Variants in ST13 observed in about 807,000 individuals in gnomAD.
ST13 encodes ST13 Hsp70 interacting protein.
ST13 carries 23 observed loss-of-function variants against 56.7 expected under a neutral mutation model. That is an observed-to-expected ratio of 0.41 (90% confidence interval 0.29 to 0.57). The LOEUF is 0.57. Ranked by LOEUF, ST13 falls within the 20% of genes least tolerant of loss-of-function variation. ST13 has a pLI of 0.36. For missense variants in ST13, 369 were observed against 459.9 expected (o/e 0.80, Z 1.81); for synonymous variants, 132 against 142.4 (o/e 0.93, Z 0.52).
In ST13 at chr22:40,825,154, C is replaced by T. The variant is rs1169303780; in HGVS notation, c.*1384G>A. 1 of 151,922 alleles carries T rather than the reference C, an allele frequency of 6.6e-6. No individual in the cohort carries two copies. The highest frequency in any genetic ancestry group is 2.4e-5 in the African/African-American group (1 of 41,334). 9.4% of individuals were successfully genotyped at this position (151,922 alleles called of 1,614,324 possible). A position where few individuals can be genotyped will look rare whatever the true frequency, so the allele number is the denominator to read the frequency against. On this transcript the variant is annotated 3_prime_UTR_variant, in exon 12 of 12. Coordinates refer to ENST00000216218, the MANE Select transcript of ST13 (RefSeq NM_003932.5). Reference sequence around the variant, plus strand: ...TGCACAACAGAAAATTTATCATTTTCTTTATCATTGGAGGGGAGGGAAAGA... The same window carrying T: ...TGCACAACAGAAAATTTATCATTTTTTTTATCATTGGAGGGGAGGGAAAGA...
intron 4 of ST13, among the ~76,000 whole-genome samples, chr22:40,843,681 T>C (rs1012647171): frequency 2.6e-5 from 4 of 151,722 alleles, no homozygotes; most frequent in African/African-American, 9.7e-5. Flanking sequence ...GAAAGATGAG[T>C]GAAGATGAGT....
chr22:40,836,001 TAA>T lies in ST13; in HGVS notation c.383-116_383-115del, dbSNP rs1569000581. 4.9e-6 allele frequency: 4 copies of T among 822,908 alleles called. No homozygotes were observed. In the South Asian group the frequency reaches 5.5e-5, roughly 11 times the overall value. 51.0% of individuals were successfully genotyped at this position (822,908 alleles called of 1,614,324 possible). A position where few individuals can be genotyped will look rare whatever the true frequency, so the allele number is the denominator to read the frequency against. On this transcript the variant is annotated intron_variant, in intron 5 of 11. Transcript: ENST00000216218. ...CATTTTTCTTTTAATCAAGTAAAAATAAAAAAGACAACTAAGTTATACTAAAA... is the reference window on the plus strand; with the variant it reads ...CATTTTTCTTTTAATCAAGTAAAAATAAAAGACAACTAAGTTATACTAAAA...
intron 5 of ST13, among the ~76,000 whole-genome samples, chr22:40,836,816 T>C (rs1427424304): frequency 6.6e-6 from 1 of 152,172 alleles, no homozygotes; most frequent in Non-Finnish European, 1.5e-5. Context: ...AAAGTCTAAA[T>C]CTTGGGGAGG....
At chr22:40,848,156 G>T in intron 3 of ST13, 138 bp downstream of exon 3, 1 of 584,926 alleles carries the variant, frequency 1.7e-6, no homozygotes. Flanking sequence ...TTTCTAAAAT[G>T]TGACTACTAG....
Position 40,832,674 on chromosome 22 carries a change from G to A in ST13, c.579-3C>T, listed in dbSNP as rs758367106. 6.3e-7 allele frequency: 1 copy of A among 1,596,360 alleles called. No individual in the cohort carries two copies. Among genetic ancestry groups the A allele is most frequent in the African/African-American group, 1.3e-5 (1 of 74,826 alleles). ...CTTCTTCCCAGTGGCCTAGAAGTCT[G>A]AAACAGATTTACACTCATTTTAGGA... On this transcript the variant is annotated splice_polypyrimidine_tract_variant and splice_region_variant and intron_variant, in intron 7 of 11. Coordinates refer to ENST00000216218, the MANE Select transcript of ST13 (RefSeq NM_003932.5).
At chr22:40,844,290 ACTG>A (rs1406401595) in intron 4 of ST13, among the ~76,000 whole-genome samples, 2 of 152,168 alleles carry the variant, frequency 1.3e-5, no homozygotes, top group South Asian at 2.1e-4. Context: ...ATCTTTTAAA[ACTG>A]CTATTACTAT....
chr22:40,829,348 TTCTATC>T (rs1176043002), intron 10 of ST13, among the ~76,000 whole-genome samples: 5 of 152,228 alleles, frequency 3.3e-5, no homozygotes, highest in African/African-American at 4.8e-5. Context: ...TTTCCGTCTC[TTCTATC>T]TCTGTGTTAG....
At chr22:40,835,912 G>GA (rs1208661041) in intron 5 of ST13, 25 bp from the exon 6 acceptor site, 2 of 1,524,978 alleles carry the variant, frequency 1.3e-6, no homozygotes, top group Non-Finnish European at 1.8e-6. Flanking sequence ...AAGTTATCGA[G>GA]AAATATTCAG....
chr22:40,840,775 A>C, intron 4 of ST13, 83 bp from the exon 5 acceptor site: 1 of 1,087,190 alleles, frequency 9.2e-7, no homozygotes, highest in East Asian at 2.4e-5. Flanking sequence ...GATGAGGCGC[A>C]GTCACAATAC....
chr22:40,835,518 A>C (rs2057772975), intron 7 of ST13, 42 bp downstream of exon 7: 2 of 1,507,386 alleles, frequency 1.3e-6, no homozygotes, highest in Non-Finnish European at 1.8e-6. Flanking sequence ...CATCAGATTT[A>C]AATGTAAAGA....
intron 10 of ST13, among the ~76,000 whole-genome samples, chr22:40,828,667 G>A (rs1338978815): frequency 6.6e-6 from 1 of 151,814 alleles, no homozygotes; most frequent in Non-Finnish European, 1.5e-5. Flanking sequence ...ATTCTACAAA[G>A]GGTCACTGTA....
At chr22:40,840,027 G>C (rs1243331927) in intron 5 of ST13, among the ~76,000 whole-genome samples, 1 of 151,946 alleles carries the variant, frequency 6.6e-6, no homozygotes, top group Non-Finnish European at 1.5e-5. Flanking sequence ...GTACGCGCTT[G>C]TAATCCCAGC....
chr22:40,846,280 C>T (rs151029208), intron 3 of ST13, among the ~76,000 whole-genome samples: 1 of 152,284 alleles, frequency 6.6e-6, no homozygotes, highest in African/African-American at 2.4e-5. Flanking sequence ...CTGCACCTCA[C>T]ATAATGAAAT....
At chr22:40,841,207 A>AG (rs1249846904) in intron 4 of ST13, among the ~76,000 whole-genome samples, 1 of 151,822 alleles carries the variant, frequency 6.6e-6, no homozygotes, top group African/African-American at 2.4e-5. Flanking sequence ...AAAAAAGAAA[A>AG]AAAAAAAAAA....
At chr22:40,831,774 A>C (rs929983663) in intron 8 of ST13, among the ~76,000 whole-genome samples, 2 of 152,236 alleles carry the variant, frequency 1.3e-5, no homozygotes, top group African/African-American at 4.8e-5. Context: ...TATTTTAACC[A>C]ACAATTTTAG....
chr22:40,831,045 A>C (rs1193933294), intron 8 of ST13, 89 bp from the exon 9 acceptor site: 1 of 840,844 alleles, frequency 1.2e-6, no homozygotes, highest in African/African-American at 1.7e-5. Flanking sequence ...TGTTTAATTC[A>C]ACATGCAGTT....
intron 1 of ST13, among the ~76,000 whole-genome samples, chr22:40,854,893 C>T (rs914052368): frequency 3.3e-5 from 5 of 152,190 alleles, no homozygotes; most frequent in Admixed American, 6.5e-5. Context: ...TGACATTTCC[C>T]GGTTGAGGAG....
At position 40,844,918 on chromosome 22, in the gene ST13, G is replaced by A; in HGVS notation, c.245-9C>T. On this transcript the variant is annotated splice_polypyrimidine_tract_variant and intron_variant, in intron 3 of 11. Transcript: ENST00000216218. ...ACCTTCTTTATCAATTTCTGCCAAAGTCGAGAAAATGACAATAAGACCTGC... is the reference window on the plus strand; with the variant it reads ...ACCTTCTTTATCAATTTCTGCCAAAATCGAGAAAATGACAATAAGACCTGC... The A allele has an allele frequency of 6.2e-7, 1 of 1,609,416 alleles. No homozygotes were observed. The highest frequency in any genetic ancestry group is 1.1e-5 in the South Asian group (1 of 90,386).
intron 1 of ST13, among the ~76,000 whole-genome samples, chr22:40,853,868 G>T (rs542635479): frequency 6.6e-6 from 1 of 152,040 alleles, no homozygotes; most frequent in East Asian, 1.9e-4. Context: ...TTGTTAAACG[G>T]GAGAAAATAG....
Sources: gnomAD v4.1 joint callset for allele counts (sites outside exome capture counted in the v4.1 genomes callset) on GRCh38, gnomAD v4.1.1 for gene constraint, MANE v1.5 for transcripts, NCBI Gene and HGNC (gene_info 2026-07-23, HGNC 2026-07-21) for gene names.